TSGA10: variants seen among roughly 807,000 people sequenced by gnomAD.
The protein encoded by TSGA10 is testis-specific gene 10 protein.
A neutral mutation model predicts 96.6 loss-of-function variants in TSGA10; 43 were observed. The observed-to-expected ratio is 0.44, with a 90% confidence interval of 0.35 to 0.57. TSGA10 has a LOEUF of 0.57. TSGA10 is among the 20% of genes least tolerant of loss of function. The pLI, the probability that TSGA10 is intolerant of heterozygous loss-of-function variation, is 0.01. For missense variants in TSGA10, 703 were observed against 834.4 expected, an observed-to-expected ratio of 0.84 and a Z score of 1.94; for synonymous variants, 229 against 269.9, an observed-to-expected ratio of 0.85 and a Z score of 1.48.
intron 20 of TSGA10, among the ~76,000 whole-genome samples, chr2:99,013,743 C>A (rs902752078): frequency 6.6e-6 from 1 of 151,728 alleles, no homozygotes; most frequent in Non-Finnish European, 1.5e-5. Flanking sequence ...AGGCTGGCTG[C>A]GGGGGCTCAT....
intron 16 of TSGA10, among the ~76,000 whole-genome samples, chr2:99,041,068 T>C (rs937913322): frequency 6.6e-6 from 1 of 152,254 alleles, no homozygotes; most frequent in African/African-American, 2.4e-5. Context: ...AACTTCCTCT[T>C]CTTTGTTCTC....
intron 20 of TSGA10, among the ~76,000 whole-genome samples, chr2:98,999,572 TAAAATA>T (rs1281829574): frequency 8.3e-6 from 1 of 119,912 alleles, no homozygotes; most frequent in African/African-American, 4.8e-5. Flanking sequence ...AGGTAACAAC[TAAAATA>T]AAATAAACTT....
At chr2:99,012,960 C>T (rs1325167405) in intron 20 of TSGA10, among the ~76,000 whole-genome samples, 1 of 152,158 alleles carries the variant, frequency 6.6e-6, no homozygotes, top group African/African-American at 2.4e-5. Flanking sequence ...TTAAGAAAAT[C>T]AGATTTATAT....
chr2:99,031,110 T>C lies in TSGA10; in HGVS notation c.1614+4120A>G, dbSNP rs374402642. On this transcript the variant is annotated intron_variant, in intron 17 of 20. Coordinates refer to ENST00000393483, the MANE Select transcript of TSGA10 (RefSeq NM_025244.4). ...TAATATATAACTACAGTAAACAAAA[T>C]TCTGTGGTATTGGGGGAAAGACAGA... Among the ~76,000 whole-genome samples, 6 of 151,584 alleles carry C rather than the reference T, an allele frequency of 4.0e-5. No homozygotes were observed. In the East Asian group the frequency reaches 9.7e-4, roughly 24 times the overall value.
At position 99,118,559 on chromosome 2, in the gene TSGA10, G is replaced by A. The variant is rs1364143754; in HGVS notation, c.-364C>T. The stretch of plus-strand genomic sequence containing the variant: ...AAGTATCAGTAACTTACTTGACTAA[G>A]CTAAATATCAAATCAATCAAGTATT... On this transcript the variant is annotated 5_prime_UTR_variant, in exon 3 of 21. Transcript: ENST00000393483. 1.0e-6 allele frequency: 1 copy of A among 981,774 alleles called. No homozygotes were observed. Among genetic ancestry groups the A allele is most frequent in the East Asian group, 1.1e-4 (1 of 8,784 alleles). 60.8% of individuals were successfully genotyped at this position (981,774 alleles called of 1,614,324 possible). A position where few individuals can be genotyped will look rare whatever the true frequency, so the allele number is the denominator to read the frequency against.
In TSGA10 at chr2:99,132,859, G is replaced by A. The variant is rs368484059; in HGVS notation, c.-620-5683C>T. ...CTTAATTCTGCCTTAATTTCGTTAT[G>A]TACCCATTATCATTCAGGAGCAGTT... On this transcript the variant is annotated intron_variant, in intron 1 of 20. Coordinates refer to ENST00000393483, the MANE Select transcript of TSGA10 (RefSeq NM_025244.4). Among the ~76,000 whole-genome samples the A allele has an allele frequency of 9.9e-5, 15 of 152,224 alleles. No homozygotes were observed. In the East Asian group the frequency reaches 2.7e-3, roughly 27 times the overall value.
intron 20 of TSGA10, among the ~76,000 whole-genome samples, chr2:99,008,376 G>A (rs530697294): frequency 4.6e-5 from 7 of 151,978 alleles, no homozygotes; most frequent in African/African-American, 1.7e-4. Flanking sequence ...AAAAATAGAC[G>A]AAGAAATGAA....
intron 10 of TSGA10, among the ~76,000 whole-genome samples, chr2:99,089,467 A>C (rs2089004792): frequency 6.6e-6 from 1 of 152,138 alleles, no homozygotes. Context: ...CAAAACCTGA[A>C]AGCCCTGCTT....
At chr2:99,145,135 C>T (rs754589484) in intron 1 of TSGA10, among the ~76,000 whole-genome samples, 16 of 152,178 alleles carry the variant, frequency 1.1e-4, no homozygotes, top group Non-Finnish European at 1.9e-4. Flanking sequence ...CTTGCCTTTC[C>T]AGCTTCTACT....
intron 1 of TSGA10, among the ~76,000 whole-genome samples, chr2:99,143,345 G>A (rs577612549): frequency 5.3e-5 from 8 of 151,548 alleles, no homozygotes; most frequent in African/African-American, 1.7e-4. Context: ...ATTTTTAGTA[G>A]AGACAGGGTT....
In TSGA10 at chr2:99,103,944, TGTTTAAA is replaced by T. The variant is rs2091053229; in HGVS notation, c.611+16_611+22del. ...GCTATAGTTATAGTAAACTGTTGGT[TGTTTAAA>T]GGTGATTTAGTTTACCTCAAAGAAT... On this transcript the variant is annotated intron_variant, in intron 10 of 20. Transcript: ENST00000393483. The T allele has an allele frequency of 1.9e-6, 3 of 1,611,306 alleles. No homozygotes were observed. Among genetic ancestry groups the T allele is most frequent in the Non-Finnish European group, 8.5e-7 (1 of 1,178,758 alleles).
intron 17 of TSGA10, among the ~76,000 whole-genome samples, chr2:99,032,817 G>A (rs1185334528): frequency 3.9e-5 from 6 of 152,210 alleles, no homozygotes; most frequent in African/African-American, 1.4e-4. Flanking sequence ...TGAAATAACA[G>A]AGGATATTGT....
intron 17 of TSGA10, among the ~76,000 whole-genome samples, chr2:99,027,843 A>G (rs541778616): frequency 3.2e-4 from 49 of 152,126 alleles, no homozygotes; most frequent in African/African-American, 1.2e-3. Flanking sequence ...TGGCTTTTTG[A>G]GGGTTAAATT....
At chr2:99,045,388 G>A (rs528092231) in intron 16 of TSGA10, among the ~76,000 whole-genome samples, 4 of 152,222 alleles carry the variant, frequency 2.6e-5, no homozygotes, top group South Asian at 2.1e-4. Flanking sequence ...AGGATCTCTC[G>A]GCAGAAACTC....
At chr2:99,098,169 G>C (rs932852217) in intron 10 of TSGA10, among the ~76,000 whole-genome samples, 1 of 152,062 alleles carries the variant, frequency 6.6e-6, no homozygotes, top group Non-Finnish European at 1.5e-5. Flanking sequence ...CGGGCACGGT[G>C]GCTCACACCT....
chr2:99,098,438 C>CAAAAAAAAAAAAAAAAAAAAAAAAAAA, intron 10 of TSGA10, among the ~76,000 whole-genome samples: 1 of 92,628 alleles, frequency 1.1e-5, no homozygotes, highest in Non-Finnish European at 2.1e-5. Context: ...GACTCTGCCT[C>CAAAAAAAAAAAAAAAAAAAAAAAAAAA]AAAAAAAAAA....
chr2:99,071,056 TTAA>T (rs2104510011), intron 14 of TSGA10, among the ~76,000 whole-genome samples: 1 of 152,286 alleles, frequency 6.6e-6, no homozygotes, highest in Non-Finnish European at 1.5e-5. Context: ...TTTAAGTAAA[TTAA>T]TAATCTTCAA....
At chr2:99,086,696 C>T (rs951884448) in intron 10 of TSGA10, among the ~76,000 whole-genome samples, 2 of 152,126 alleles carry the variant, frequency 1.3e-5, no homozygotes, top group Non-Finnish European at 2.9e-5. Flanking sequence ...GATGACTGTT[C>T]TCATTCTTCT....
At chr2:99,135,943 A>AG (rs2093305275) in intron 1 of TSGA10, among the ~76,000 whole-genome samples, 1 of 142,860 alleles carries the variant, frequency 7.0e-6, no homozygotes, top group Non-Finnish European at 1.5e-5. Flanking sequence ...TGAGAGGTGG[A>AG]GGTTGCAGTG....
Sources: allele counts gnomAD v4.1 joint callset (sites outside exome capture counted in the v4.1 genomes callset), GRCh38; gene constraint gnomAD v4.1.1; transcripts MANE v1.5; gene names NCBI Gene and HGNC (gene_info 2026-07-23, HGNC 2026-07-21).